Variants in IQCK observed in about 807,000 individuals in gnomAD.
The protein encoded by IQCK is IQ domain-containing protein K.
A neutral mutation model predicts 28.1 loss-of-function variants in IQCK; 29 were observed. The ratio of observed to expected loss-of-function variants is 1.03; its 90% CI spans 0.77 to 1.41. The LOEUF is 1.41. Among genes scored for constraint, IQCK ranks in the 40% most tolerant of loss-of-function variants. IQCK has a pLI of 0.00. For synonymous variants in IQCK, 113 were observed against 115.1 expected (o/e 0.98, Z 0.12); for missense variants, 359 against 314.7 (o/e 1.14, Z -1.07).
intron 9 of IQCK, among the ~76,000 whole-genome samples, chr16:19,854,356 T>G (rs562486167): frequency 1.4e-4 from 21 of 151,774 alleles, no homozygotes; most frequent in African/African-American, 5.1e-4. Flanking sequence ...GGGCCCTGAA[T>G]TTGCATTTCT....
At chr16:19,722,220 C>A (rs1226783430) in intron 1 of IQCK, among the ~76,000 whole-genome samples, 14 of 152,134 alleles carry the variant, frequency 9.2e-5, no homozygotes, top group Admixed American at 7.9e-4. Flanking sequence ...GCATAGGATG[C>A]GTTCACTGAG....
intron 9 of IQCK, among the ~76,000 whole-genome samples, chr16:19,837,051 A>C (rs2056307844): frequency 6.6e-6 from 1 of 152,204 alleles, no homozygotes; most frequent in Non-Finnish European, 1.5e-5. Flanking sequence ...TGATCAATAA[A>C]TGATAATTAT....
intron 6 of IQCK, among the ~76,000 whole-genome samples, chr16:19,766,441 A>G (rs1324385543): frequency 6.6e-6 from 1 of 152,228 alleles, no homozygotes; most frequent in East Asian, 1.9e-4. Flanking sequence ...GTTGGTGCCC[A>G]GATTTGGTCC....
At chr16:19,746,563 G>A (rs2054915941) in intron 4 of IQCK, among the ~76,000 whole-genome samples, 1 of 152,170 alleles carries the variant, frequency 6.6e-6, no homozygotes, top group Admixed American at 6.5e-5. Context: ...AGCCATGCAA[G>A]AAAATCTTAT....
intron 6 of IQCK, among the ~76,000 whole-genome samples, chr16:19,774,947 G>A (rs1312834588): frequency 6.6e-6 from 1 of 152,182 alleles, no homozygotes; most frequent in African/African-American, 2.4e-5. Flanking sequence ...TTAAGGCCGG[G>A]CGTGGTGTCT....
chr16:19,762,780 C>G (rs2055167517), intron 4 of IQCK, among the ~76,000 whole-genome samples: 1 of 152,096 alleles, frequency 6.6e-6, no homozygotes, highest in South Asian at 2.1e-4. Context: ...TTTGGGAGGC[C>G]AAGGCAGGGC....
intron 9 of IQCK, among the ~76,000 whole-genome samples, chr16:19,846,501 G>A (rs1008867096): frequency 2.6e-5 from 4 of 152,110 alleles, no homozygotes; most frequent in East Asian, 1.9e-4. Context: ...CCACTCCCAC[G>A]CCAAATGTTT....
At chr16:19,793,470 G>A (rs921096643) in intron 7 of IQCK, among the ~76,000 whole-genome samples, 1 of 49,480 alleles carries the variant, frequency 2.0e-5, no homozygotes, top group Non-Finnish European at 3.2e-5. Context: ...TTTAACAGAA[G>A]TGCAAGGCTT....
intron 9 of IQCK, among the ~76,000 whole-genome samples, chr16:19,852,748 G>C (rs374029320): frequency 6.7e-6 from 1 of 149,654 alleles, no homozygotes; most frequent in African/African-American, 2.5e-5. Flanking sequence ...TCAGCCTCCC[G>C]AGTAGCTGGG....
At chr16:19,744,390 C>T (rs966902058) in intron 4 of IQCK, among the ~76,000 whole-genome samples, 1 of 152,154 alleles carries the variant, frequency 6.6e-6, no homozygotes, top group African/African-American at 2.4e-5. Flanking sequence ...CTTGGTTTCC[C>T]AAAGTCCTGG....
Position 19,847,952 on chromosome 16 carries a change from G to T in IQCK, c.803-8535G>T, listed in dbSNP as rs139287531. Among the ~76,000 whole-genome samples, 579 of 152,256 alleles carry T rather than the reference G, an allele frequency of 3.8e-3. 8 individuals carry two copies. The highest frequency in any genetic ancestry group is 6.5e-3 in the Non-Finnish European group (443 of 68,010). On this transcript the variant is annotated intron_variant, in intron 9 of 9. Coordinates refer to the IQCK transcript ENST00000320394. ...CAAAGTGCTGGGATTATAGGCATGCGCCACCACACCTGGCCCAATGCTGCT... is the reference window on the plus strand; with the variant it reads ...CAAAGTGCTGGGATTATAGGCATGCTCCACCACACCTGGCCCAATGCTGCT...
At position 19,730,489 on chromosome 16, in the gene IQCK, A is replaced by G. The variant is rs199663511; in HGVS notation, c.241A>G (p.Ile81Val). The G allele has an allele frequency of 1.2e-4, 199 of 1,607,020 alleles. 1 individual carries two copies. The East Asian group carries it at 1.9e-3, about 15-fold the overall frequency. ...ATATAAAGTCAAACAGGAGCCTGTG[A>G]TTACGGTGAGTATTACCTAGGCCTC... is the stretch of plus-strand genomic sequence containing the variant. Residue 81 changes from isoleucine to valine, a missense_variant, in exon 2 of 8, where the codon ATT (isoleucine) becomes GTT (valine). Coordinates refer to ENST00000564186, the Ensembl canonical transcript of IQCK.
chr16:19,785,034 G>T (rs1039169065), intron 6 of IQCK, among the ~76,000 whole-genome samples: 1 of 152,208 alleles, frequency 6.6e-6, no homozygotes, highest in African/African-American at 2.4e-5. Context: ...CTTCCAAAGT[G>T]CTGGGATTAC....
At chr16:19,804,385 C>T (rs2055805744) in intron 7 of IQCK, among the ~76,000 whole-genome samples, 1 of 151,646 alleles carries the variant, frequency 6.6e-6, no homozygotes, top group South Asian at 2.1e-4. Context: ...GTTCTATTTC[C>T]TAAACAGAGG....
At chr16:19,735,577 G>A in intron 4 of IQCK, 127 bp downstream of exon 4, 1 of 756,642 alleles carries the variant, frequency 1.3e-6, no homozygotes, top group East Asian at 2.7e-5. Context: ...GAAAGCCTGT[G>A]TTTGGGGTCA....
At chr16:19,740,795 C>A (rs1018112386) in intron 4 of IQCK, among the ~76,000 whole-genome samples, 2 of 151,554 alleles carry the variant, frequency 1.3e-5, no homozygotes, top group African/African-American at 4.9e-5. Flanking sequence ...ATGGTGAAAC[C>A]CCATCTCTAC....
rs1344170029 is a variant in IQCK at position 19,813,890 on chromosome 16, CTAAG to C, written c.691-13132_691-13129del. ...GTTTTGTTTTGTTTTGTTTTTTACT[CTAAG>C]TAATTTATTACATTATAACAACACA... On this transcript the variant is annotated intron_variant, in intron 7 of 7. Coordinates refer to ENST00000564186, the Ensembl canonical transcript of IQCK. Among the ~76,000 whole-genome samples, 14 of 152,104 alleles carry C rather than the reference CTAAG, an allele frequency of 9.2e-5. No individual in the cohort carries two copies. In the East Asian group the frequency reaches 1.9e-3, roughly 21 times the overall value.
At chr16:19,744,356 C>T (rs2054877922) in intron 4 of IQCK, among the ~76,000 whole-genome samples, 1 of 152,066 alleles carries the variant, frequency 6.6e-6, no homozygotes, top group Non-Finnish European at 1.5e-5. Context: ...GTCTCAAACT[C>T]CTGAGCTCAA....
chr16:19,735,507 A>G, intron 4 of IQCK, 57 bp downstream of exon 4: 1 of 1,295,264 alleles, frequency 7.7e-7, no homozygotes, highest in Non-Finnish European at 1.1e-6. Flanking sequence ...CATTATTATC[A>G]GATGATAGCT....
Sources: gnomAD v4.1 joint callset for allele counts (sites outside exome capture counted in the v4.1 genomes callset) on GRCh38, gnomAD v4.1.1 for gene constraint, MANE v1.5 for transcripts, NCBI Gene and HGNC (gene_info 2026-07-23, HGNC 2026-07-21) for gene names.